HIGD1B: variants seen among roughly 807,000 people sequenced by gnomAD.
HIGD1B encodes the protein HIG1 domain family member 1B.
HIGD1B carries 9 observed loss-of-function variants against 8.8 expected under a neutral mutation model. The ratio of observed to expected loss-of-function variants is 1.02; its 90% confidence interval spans 0.62 to 1.78. The LOEUF (loss-of-function observed/expected upper bound fraction) is 1.78, where lower values mean the gene tolerates loss of function less well. Ranked by LOEUF, HIGD1B falls within the 40% of genes most tolerant of loss-of-function variation. The pLI, the probability that HIGD1B is intolerant of heterozygous loss-of-function variation, is 0.00. For missense variants in HIGD1B, 126 were observed against 111.8 expected (o/e 1.13, Z -0.57); for synonymous variants, 47 against 38.8 (o/e 1.21, Z -0.78).
chr17:44,849,238 T>G lies in HIGD1B; in HGVS notation c.101-16T>G, dbSNP rs2145416091. On this transcript the variant is annotated splice_polypyrimidine_tract_variant and intron_variant, in intron 1 of 2. Transcript: ENST00000253410. ...CATTGTGGCTGTGGCCCAGGGGCTG[T>G]GTTCTCTGCCCACAGGCTTAGGAGG... 1.2e-6 allele frequency: 2 copies of G among 1,613,654 alleles called. No individual in the cohort carries two copies. The highest frequency in any genetic ancestry group is 2.2e-5 in the South Asian group (2 of 91,034).
In HIGD1B at chr17:44,850,472, GA is replaced by G. The variant is rs2050427658; in HGVS notation, c.*80del. Reference sequence around the variant, plus strand: ...ACATTCCTAATAAAGCAGTTTTGAGGAAAATCAACAGACTCTTTTTCACTGG... The same window carrying G: ...ACATTCCTAATAAAGCAGTTTTGAGGAAATCAACAGACTCTTTTTCACTGG... On this transcript the variant is annotated 3_prime_UTR_variant, in exon 3 of 3. Transcript: ENST00000253410. The G allele has an allele frequency of 1.8e-6, 2 of 1,103,338 alleles. No individual in the cohort carries two copies. The highest frequency in any genetic ancestry group is 2.7e-6 in the Non-Finnish European group (2 of 732,852). 68.3% of individuals were successfully genotyped at this position (1,103,338 alleles called of 1,614,324 possible).
intron 2 of HIGD1B, chr17:44,850,105 C>G: frequency 2.1e-6 from 1 of 466,134 alleles, no homozygotes; most frequent in East Asian, 3.2e-5. Context: ...TGAGGTTTCT[C>G]AGATACACAA....
chr17:44,848,159 G>A lies in HIGD1B; in HGVS notation c.7G>A (p.Ala3Thr). The A allele has an allele frequency of 1.1e-6, 1 of 872,544 alleles. No individual in the cohort carries two copies. The highest frequency in any genetic ancestry group is 2.0e-6 in the Non-Finnish European group (1 of 501,556). 54.1% of individuals were successfully genotyped at this position (872,544 alleles called of 1,614,324 possible). Residue 3 changes from alanine to threonine, a missense_variant, in exon 1 of 3, where the codon GCT becomes ACT. By Grantham distance (58) the Ala-to-Thr change is moderately conservative. Coordinates refer to ENST00000253410, the MANE Select transcript of HIGD1B (RefSeq NM_016438.4). MS[A>T]NRRWWVPPDD... is the part of the protein sequence containing the mutation. ...TACATCCAGGTCCAGGATTATGTCT[G>A]CTAACAGACGCTGGTGGGTACCACC...
At chr17:44,845,441 G>C (rs1195602919), upstream of HIGD1B, among the ~76,000 whole-genome samples, 1 of 151,884 alleles carries the variant, frequency 6.6e-6, no homozygotes, top group Non-Finnish European at 1.5e-5. Context: ...AGACCAGCCA[G>C]GGTAACATGG....
upstream of HIGD1B, among the ~76,000 whole-genome samples, chr17:44,847,410 G>A (rs1273299109): frequency 4.6e-5 from 7 of 151,592 alleles, no homozygotes; most frequent in African/African-American, 9.8e-5. Context: ...TCCGCAGTCC[G>A]GCCTGGGCGA....
At chr17:44,846,920 G>A (rs1217669772), upstream of HIGD1B, among the ~76,000 whole-genome samples, 2 of 152,106 alleles carry the variant, frequency 1.3e-5, no homozygotes, top group Non-Finnish European at 1.5e-5. Context: ...CGGATCAAGA[G>A]GTCAGGAGTT....
At chr17:44,847,741 T>C (rs1368018265), upstream of HIGD1B, among the ~76,000 whole-genome samples, 1 of 152,200 alleles carries the variant, frequency 6.6e-6, no homozygotes, top group Admixed American at 6.6e-5. Context: ...GGAGAAACCA[T>C]CACAGACCAA....
At chr17:44,850,257 C>T in intron 2 of HIGD1B, 75 bp from the exon 3 acceptor site, 1 of 1,189,292 alleles carries the variant, frequency 8.4e-7, no homozygotes, top group East Asian at 2.4e-5. Context: ...GAGGTGAACC[C>T]CTAGGACGCC....
upstream of HIGD1B, among the ~76,000 whole-genome samples, chr17:44,847,296 G>A (rs113798596): frequency 6.6e-3 from 1,007 of 152,174 alleles, 10 homozygotes; most frequent in African/African-American, 0.015. Context: ...AGCCGGGCGC[G>A]GTGGCGGGCG....
In HIGD1B at chr17:44,850,327, C is replaced by T. The variant is rs771147528; in HGVS notation, c.236-5C>T. On this transcript the variant is annotated splice_polypyrimidine_tract_variant and splice_region_variant and intron_variant, in intron 2 of 2. Coordinates refer to ENST00000253410, the MANE Select transcript of HIGD1B (RefSeq NM_016438.4). Reference sequence around the variant, plus strand: ...AAGGGGCATTATTTCTTTTCTCTCACACAGGTGCTGTGTACACAATGTACA... The same window carrying T: ...AAGGGGCATTATTTCTTTTCTCTCATACAGGTGCTGTGTACACAATGTACA... 1.9e-6 allele frequency: 3 copies of T among 1,611,252 alleles called. No homozygotes were observed. Among genetic ancestry groups the T allele is most frequent in the Non-Finnish European group, 2.5e-6 (3 of 1,178,364 alleles).
chr17:44,844,904 T>TCC (rs1247925253), upstream of HIGD1B, among the ~76,000 whole-genome samples: 1 of 152,172 alleles, frequency 6.6e-6, no homozygotes, highest in Non-Finnish European at 1.5e-5. Flanking sequence ...TCTCTGAAGC[T>TCC]CCATTCCTTT....
At chr17:44,849,673 T>C (rs970798076) in intron 2 of HIGD1B, among the ~76,000 whole-genome samples, 19 of 149,144 alleles carry the variant, frequency 1.3e-4, no homozygotes, top group African/African-American at 4.0e-4. Flanking sequence ...GGCAGGAGAA[T>C]TGCTTGAACC....
chr17:44,847,716 T>C (rs1013966904), upstream of HIGD1B, among the ~76,000 whole-genome samples: 14 of 152,224 alleles, frequency 9.2e-5, no homozygotes, highest in African/African-American at 3.4e-4. Flanking sequence ...CAGATCCTGC[T>C]CTGTAGCTCC....
chr17:44,849,334 C>T lies in HIGD1B; in HGVS notation c.181C>T (p.Leu61=), dbSNP rs375862142. The T allele has an allele frequency of 6.2e-7, 1 of 1,614,202 alleles. No individual in the cohort carries two copies. Among genetic ancestry groups the T allele is most frequent in the Middle Eastern group, 1.6e-4 (1 of 6,062 alleles). ...SRGSTKMSIH[L]IHTRVAAQAC... ...TGGTTCCACCAAGATGTCCATACAC[C>T]TGATTCACACCCGAGTGGCAGCGCA... Residue 61 remains leucine (L), a synonymous_variant, in exon 2 of 3, where the codon CTG becomes TTG. Transcript: ENST00000253410.
In HIGD1B at chr17:44,848,081, T is replaced by C; in HGVS notation, c.-72T>C. The C allele has an allele frequency of 1.3e-6, 1 of 775,616 alleles. No individual in the cohort carries two copies. Among genetic ancestry groups the C allele is most frequent in the South Asian group, 1.5e-5 (1 of 67,920 alleles). The allele number at this position is 775,616 out of a possible 1,614,324, so 48.0% of individuals were successfully genotyped here. A position where few individuals can be genotyped will look rare whatever the true frequency, so the allele number is the denominator to read the frequency against. On this transcript the variant is annotated 5_prime_UTR_variant, in exon 1 of 3. Coordinates refer to ENST00000253410, the MANE Select transcript of HIGD1B (RefSeq NM_016438.4). ...CCAGACTGAGGAATCAGAGTTCTGA[T>C]TGTGGAGTGCCTCTCTCTAGGACGG...
intron 1 of HIGD1B, among the ~76,000 whole-genome samples, chr17:44,848,870 G>T (rs2050367137): frequency 6.6e-6 from 1 of 152,026 alleles, no homozygotes; most frequent in Non-Finnish European, 1.5e-5. Flanking sequence ...CTGCCTCCTG[G>T]GTTCAAGTGG....
chr17:44,849,138 T>G, intron 1 of HIGD1B, 116 bp from the exon 2 acceptor site: 1 of 1,057,984 alleles, frequency 9.5e-7, no homozygotes, highest in Non-Finnish European at 1.4e-6. Flanking sequence ...CGCCACCAGA[T>G]GCTGCATAAA....
rs371427553 is a variant in HIGD1B at position 44,850,424 on chromosome 17, A to G, written c.*28A>G. ...CTCCTATAGGAGCCGGGGCTGTCCA[A>G]CTCCCCTAACTCAATCCCTGGTACA... On this transcript the variant is annotated 3_prime_UTR_variant, in exon 3 of 3. Coordinates refer to ENST00000253410, the MANE Select transcript of HIGD1B (RefSeq NM_016438.4). 24 of 1,521,456 alleles carry G rather than the reference A, an allele frequency of 1.6e-5. No individual in the cohort carries two copies. The highest frequency in any genetic ancestry group is 4.1e-5 in the African/African-American group (3 of 73,196). The allele number at this position is 1,521,456 out of a possible 1,614,324, so 94.2% of individuals were successfully genotyped here.
Position 44,849,296 on chromosome 17 carries a change from G to A in HIGD1B, c.143G>A (p.Arg48Gln), listed in dbSNP as rs141065652. Reference sequence around the variant, plus strand: ...GTGGTAGCAGCATACAGGATTTACCGGCTGAGGTCTCGTGGTTCCACCAAG... The same window carrying A: ...GTGGTAGCAGCATACAGGATTTACCAGCTGAGGTCTCGTGGTTCCACCAAG... The part of the protein sequence containing the change: ...CLVVAAYRIY[R>Q]LRSRGSTKMS... The change falls in exon 2 of 3, where the codon CGG becomes CAG. Residue 48 changes from arginine (R) to glutamine (Q), a missense_variant. Coordinates refer to ENST00000253410, the MANE Select transcript of HIGD1B (RefSeq NM_016438.4). The A allele has an allele frequency of 5.6e-5, 90 of 1,614,008 alleles. No individual in the cohort carries two copies. Among genetic ancestry groups the A allele is most frequent in the Non-Finnish European group, 7.1e-5 (84 of 1,180,044 alleles).
Sources: allele counts gnomAD v4.1 joint callset (sites outside exome capture counted in the v4.1 genomes callset), GRCh38; gene constraint gnomAD v4.1.1; transcripts MANE v1.5; gene names NCBI Gene and HGNC (gene_info 2026-07-23, HGNC 2026-07-21).